The following ATL3 variants were observed in gnomAD, a reference collection of about 807,000 sequenced individuals.
ATL3 encodes the protein atlastin-3.
A neutral mutation model predicts 69.5 loss-of-function variants in ATL3; 49 were observed. The observed-to-expected ratio is 0.71, with a 90% CI of 0.56 to 0.89. The LOEUF is 0.89. Ranked by LOEUF, ATL3 falls within the 40% of genes least tolerant of loss-of-function variation. The pLI is 0.00. For synonymous variants in ATL3, 214 were observed against 224.1 expected (o/e 0.95, Z 0.40); for missense variants, 606 against 645.7 (o/e 0.94, Z 0.67).
chr11:63,649,121 T>C (rs775874808), intron 5 of ATL3, among the ~76,000 whole-genome samples: 12 of 151,932 alleles, frequency 7.9e-5, no homozygotes, highest in Non-Finnish European at 1.3e-4. Context: ...GGAGACTCCA[T>C]CTCAAAAAAA....
At chr11:63,666,297 C>T (rs944141734) in intron 1 of ATL3, among the ~76,000 whole-genome samples, 2 of 152,164 alleles carry the variant, frequency 1.3e-5, no homozygotes, top group African/African-American at 4.8e-5. Flanking sequence ...CCTCAGCCTC[C>T]CCAAGTACTG....
intron 10 of ATL3, 150 bp from the exon 11 acceptor site, chr11:63,633,247 T>C (rs974780845): frequency 6.1e-5 from 38 of 625,218 alleles, no homozygotes; most frequent in Admixed American, 4.5e-4. Context: ...ACTGATGAAA[T>C]AGAATACACT....
intron 12 of ATL3, among the ~76,000 whole-genome samples, chr11:63,629,619 G>C (rs1419761611): frequency 2.0e-5 from 3 of 152,204 alleles, no homozygotes; most frequent in Non-Finnish European, 4.4e-5. Context: ...AGGATAGGCA[G>C]CTCCTGTGGC....
At chr11:63,640,751 C>T (rs1196107994) in intron 8 of ATL3, among the ~76,000 whole-genome samples, 2 of 151,676 alleles carry the variant, frequency 1.3e-5, no homozygotes, top group African/African-American at 2.4e-5. Flanking sequence ...ATTACAGGCA[C>T]CTGCCACCAT....
At chr11:63,631,930 C>T (rs923474406) in intron 11 of ATL3, among the ~76,000 whole-genome samples, 1 of 152,068 alleles carries the variant, frequency 6.6e-6, no homozygotes, top group Non-Finnish European at 1.5e-5. Context: ...TGCAGTGAGC[C>T]GAGATCGCAC....
chr11:63,659,163 A>G lies in ATL3; in HGVS notation c.136T>C (p.Leu46=), dbSNP rs1185775633. ...TGGTCCTGCAAGAGGATGCTGGCCA[A>G]GGCTTTCTCATCTAGCTCAAAGGAA... is the stretch of plus-strand genomic sequence containing the variant. ...QHSFELDEKA[L]ASILLQDHIR... is the part of the protein sequence containing the mutation. The change falls in exon 2 of 13, where the codon TTG becomes CTG. Residue 46 remains leucine, a synonymous_variant. Coordinates refer to ENST00000398868, the MANE Select transcript of ATL3 (RefSeq NM_015459.5). 1 of 1,614,084 alleles carries G rather than the reference A, an allele frequency of 6.2e-7. No individual in the cohort carries two copies. Among genetic ancestry groups the G allele is most frequent in the African/African-American group, 1.3e-5 (1 of 74,920 alleles).
At chr11:63,664,514 T>C (rs896784232) in intron 1 of ATL3, among the ~76,000 whole-genome samples, 28 of 151,756 alleles carry the variant, frequency 1.8e-4, no homozygotes, top group African/African-American at 6.8e-4. Flanking sequence ...CACTCTAGCC[T>C]GGGCAACAGA....
At chr11:63,670,635 C>G (rs1460875137) in intron 1 of ATL3, 3 of 152,272 alleles carry the variant, frequency 2.0e-5, no homozygotes, top group Admixed American at 6.5e-5. Flanking sequence ...GAACAACGTA[C>G]TGTGCCAAAA....
intron 8 of ATL3, among the ~76,000 whole-genome samples, chr11:63,640,673 C>T (rs1483738305): frequency 1.4e-5 from 2 of 140,140 alleles, no homozygotes; most frequent in African/African-American, 5.4e-5. Context: ...GGCGCAATCT[C>T]GGCTCACTGC....
At chr11:63,669,610 T>G (rs1272730752) in intron 1 of ATL3, among the ~76,000 whole-genome samples, 1 of 152,080 alleles carries the variant, frequency 6.6e-6, no homozygotes, top group East Asian at 1.9e-4. Context: ...TTACTTCTAT[T>G]TCATGAATTC....
chr11:63,640,918 T>C (rs998977287), intron 8 of ATL3, among the ~76,000 whole-genome samples: 1 of 152,096 alleles, frequency 6.6e-6, no homozygotes, highest in African/African-American at 2.4e-5. Context: ...CATATTTTTA[T>C]CCACTTATTT....
chr11:63,653,206 C>T (rs1350086693), intron 3 of ATL3, among the ~76,000 whole-genome samples: 1 of 152,062 alleles, frequency 6.6e-6, no homozygotes, highest in African/African-American at 2.4e-5. Context: ...GTGGCTCACA[C>T]CTGTAATCCC....
chr11:63,670,026 A>C (rs1590750431), intron 1 of ATL3, among the ~76,000 whole-genome samples: 1 of 152,220 alleles, frequency 6.6e-6, no homozygotes, highest in East Asian at 1.9e-4. Context: ...GAATTGCTTG[A>C]ACCCAGGAAG....
At position 63,625,453 on chromosome 11, in the gene ATL3, TTTAAAAAA is replaced by T. The variant is rs1460503020; in HGVS notation, c.*3858_*3865del. On this transcript the variant is annotated 3_prime_UTR_variant, in exon 13 of 13. Coordinates refer to ENST00000398868, the MANE Select transcript of ATL3 (RefSeq NM_015459.5). The stretch of plus-strand genomic sequence containing the variant: ...AAACTGTTTTATTAAAGTTTTAATT[TTTAAAAAA>T]TTAAAAAATTAAAACTGTTTTATTG... 3.9e-5 allele frequency: 6 copies of T among 152,214 alleles called. No individual in the cohort carries two copies. The highest frequency in any genetic ancestry group is 2.1e-4 in the South Asian group (1 of 4,836). 9.4% of individuals were successfully genotyped at this position (152,214 alleles called of 1,614,324 possible).
chr11:63,640,594 CTTTTTT>C lies in ATL3; in HGVS notation c.850+2757_850+2762del, dbSNP rs1172516886. 2.8e-3 allele frequency among the ~76,000 whole-genome samples: 239 copies of C among 84,322 alleles called. 1 individual carries two copies. Among genetic ancestry groups the C allele is most frequent in the African/African-American group, 0.012 (217 of 18,354 alleles). 55.3% of individuals were successfully genotyped at this position (84,322 alleles called of 152,430 possible). A position where few individuals can be genotyped will look rare whatever the true frequency, so the allele number is the denominator to read the frequency against. Reference sequence around the variant, plus strand: ...TATGATAATAATGCTACCATAGTATCTTTTTTTTTTTTTTTTTTTTTTTTTTTGAGA... The same window carrying C: ...TATGATAATAATGCTACCATAGTATCTTTTTTTTTTTTTTTTTTTTTGAGA... On this transcript the variant is annotated intron_variant, in intron 8 of 12. Coordinates refer to ENST00000398868, the MANE Select transcript of ATL3 (RefSeq NM_015459.5).
rs58752695 is a variant in ATL3 at position 63,630,800 on chromosome 11, CA to C, written c.1539+239del. On this transcript the variant is annotated intron_variant, in intron 12 of 12. Coordinates refer to ENST00000398868, the MANE Select transcript of ATL3 (RefSeq NM_015459.5). Reference sequence around the variant, plus strand: ...AAGAGAGCACAGCGAGACTTTGTCTCAAAAAAAAAAAAAAAAAGCGGGGCGG... The same window carrying C: ...AAGAGAGCACAGCGAGACTTTGTCTCAAAAAAAAAAAAAAAAGCGGGGCGG... Among the ~76,000 whole-genome samples the C allele has an allele frequency of 0.87, 95,705 of 109,994 alleles. 41,126 individuals are homozygous for C. Among genetic ancestry groups the C allele is most frequent in the Middle Eastern group, 0.96 (197 of 206 alleles). The allele number at this position is 109,994 out of a possible 152,430, so 72.2% of individuals were successfully genotyped here.
chr11:63,629,314 A>C lies in ATL3; in HGVS notation c.*5T>G, dbSNP rs756309580. 109 of 1,612,294 alleles carry C rather than the reference A, an allele frequency of 6.8e-5. No homozygotes were observed. The highest frequency in any genetic ancestry group is 5.2e-4 in the Admixed American group (31 of 59,996). On this transcript the variant is annotated 3_prime_UTR_variant, in exon 13 of 13. Transcript: ENST00000398868. The stretch of plus-strand genomic sequence containing the variant: ...GTGTTCTTGTTTGATCTTCACGTTA[A>C]GATGCTATTGAGCTTTTTTATCCAT...
At chr11:63,646,458 T>A in intron 6 of ATL3, 49 bp downstream of exon 6, 1 of 1,268,862 alleles carries the variant, frequency 7.9e-7, no homozygotes, top group Non-Finnish European at 1.1e-6. Context: ...TGCCAATCTG[T>A]GAAAACAAAA....
intron 1 of ATL3, among the ~76,000 whole-genome samples, chr11:63,664,054 G>A (rs499363): frequency 0.98 from 148,611 of 152,296 alleles, 72,623 homozygotes; most frequent in East Asian, 1. Flanking sequence ...GTCAGATTTC[G>A]TATAGCAGAA....
Sources: gnomAD v4.1 joint callset for allele counts (sites outside exome capture counted in the v4.1 genomes callset) on GRCh38, gnomAD v4.1.1 for gene constraint, MANE v1.5 for transcripts, NCBI Gene and HGNC (gene_info 2026-07-23, HGNC 2026-07-21) for gene names.